The following KDM5A variants were observed in gnomAD, a reference collection of about 807,000 sequenced individuals.
The protein encoded by KDM5A is lysine demethylase 5A, also known as lysine-specific demethylase 5A.
Under a neutral mutation model 193.5 loss-of-function variants are expected in KDM5A, and 42 were observed. The observed-to-expected ratio is 0.22, with a 90% CI of 0.17 to 0.28. KDM5A has a LOEUF of 0.28. Ranked by LOEUF, KDM5A falls within the 10% of genes least tolerant of loss-of-function variation. The pLI, the probability that KDM5A is intolerant of heterozygous loss-of-function variation, is 1.00. For missense variants in KDM5A, 1,692 were observed against 2,055.1 expected, an observed-to-expected ratio of 0.82 and a Z score of 3.42; for synonymous variants, 796 against 718.1, an observed-to-expected ratio of 1.11 and a Z score of -1.73.
rs769805545 is a variant in KDM5A, at chr12:323,124, G to C, written c.2233C>G (p.Arg745Gly). Residue 745 changes from arginine (R) to glycine (G), a missense_variant, in exon 16 of 28, where the codon CGT becomes GGT. By Grantham distance (125) the Arg-to-Gly change is moderately radical (BLOSUM62 -2). This residue lies in a region of KDM5A where 965 missense variants were observed against 1,061.0 expected (regional missense o/e 0.91). Transcript: ENST00000399788. The stretch of plus-strand genomic sequence containing the variant: ...TTAGCAGACAATGCTTCTGTAACAC[G>C]ACTGACCCAAGTGTCATAGGACTGT... ...RAQSYDTWVS[R>G]VTEALSANFN... is the part of the protein sequence containing the mutation. 1.9e-6 allele frequency: 3 copies of C among 1,551,642 alleles called. No homozygotes were observed. The highest frequency in any genetic ancestry group is 2.2e-5 in the South Asian group (2 of 90,414).
chr12:380,882 G>C (rs544108864), intron 3 of KDM5A, among the ~76,000 whole-genome samples: 3 of 151,950 alleles, frequency 2.0e-5, no homozygotes, highest in South Asian at 2.1e-4. Context: ...TGCAACCTCT[G>C]CCTCCCGGTT....
At chr12:313,271 T>C in intron 19 of KDM5A, 77 bp from the exon 20 acceptor site, 1 of 1,518,062 alleles carries the variant, frequency 6.6e-7, no homozygotes, top group South Asian at 1.1e-5. Flanking sequence ...TTTAGAGAAC[T>C]TTCATTTACA....
At chr12:306,428 A>AT (rs1943507701) in intron 24 of KDM5A, among the ~76,000 whole-genome samples, 2 of 152,142 alleles carry the variant, frequency 1.3e-5, no homozygotes, top group Admixed American at 6.5e-5. Flanking sequence ...ACAAATACAG[A>AT]TTTTTTAATT....
intron 10 of KDM5A, 109 bp downstream of exon 10, chr12:350,512 C>T: frequency 9.4e-7 from 1 of 1,065,270 alleles, no homozygotes; most frequent in Non-Finnish European, 1.4e-6. Context: ...ATTTATACTG[C>T]CAAATCCTAC....
chr12:315,627 T>C (rs1020404598), intron 19 of KDM5A, among the ~76,000 whole-genome samples: 27 of 150,016 alleles, frequency 1.8e-4, no homozygotes, highest in Admixed American at 1.7e-3. Context: ...TAAATCCACA[T>C]GCAGACTTAA....
intron 3 of KDM5A, among the ~76,000 whole-genome samples, chr12:376,105 G>A: frequency 6.6e-6 from 1 of 152,216 alleles, no homozygotes; most frequent in East Asian, 1.9e-4. Context: ...TCTCTTCAAG[G>A]CTGTCAGACA....
rs905981394 is a variant in KDM5A at position 284,271 on chromosome 12, T to C, written c.*1185A>G. The C allele has an allele frequency of 8.8e-6, 2 of 227,974 alleles. No individual in the cohort carries two copies. The highest frequency in any genetic ancestry group is 1.7e-5 in the Non-Finnish European group (2 of 115,132). 14.1% of individuals were successfully genotyped at this position (227,974 alleles called of 1,614,324 possible). ...ATATTAAAAAAGGAAAAATAATCTATGTATAGAACAGTCAGTAGTCAGAGA... is the reference window on the plus strand; with the variant it reads ...ATATTAAAAAAGGAAAAATAATCTACGTATAGAACAGTCAGTAGTCAGAGA... On this transcript the variant is annotated 3_prime_UTR_variant, in exon 28 of 28. Coordinates refer to ENST00000399788, the MANE Select transcript of KDM5A (RefSeq NM_001042603.3).
chr12:293,639 C>T (rs1476840223), intron 26 of KDM5A, among the ~76,000 whole-genome samples: 2 of 151,692 alleles, frequency 1.3e-5, no homozygotes, highest in Admixed American at 1.3e-4. Context: ...ATTAGCTGGG[C>T]GTGGTGGTGC....
chr12:380,981 A>G (rs1944565893), intron 3 of KDM5A, among the ~76,000 whole-genome samples: 1 of 130,334 alleles, frequency 7.7e-6, no homozygotes, highest in Non-Finnish European at 1.6e-5. Context: ...TAATTAGTAG[A>G]GATAGGTTTT....
chr12:314,950 T>C (rs554831543), intron 19 of KDM5A, among the ~76,000 whole-genome samples: 4 of 152,290 alleles, frequency 2.6e-5, no homozygotes, highest in South Asian at 2.1e-4. Flanking sequence ...GTTAGGGAAT[T>C]TGGACTTCAT....
At chr12:368,241 G>A (rs1177590066) in intron 3 of KDM5A, among the ~76,000 whole-genome samples, 1 of 152,144 alleles carries the variant, frequency 6.6e-6, no homozygotes, top group Non-Finnish European at 1.5e-5. Context: ...CATAATAGAA[G>A]TTGCCAGGAG....
In KDM5A at chr12:349,856, G is replaced by A. The variant is rs138374786; in HGVS notation, c.1308+765C>T. Among the ~76,000 whole-genome samples, 428 of 151,734 alleles carry A rather than the reference G, an allele frequency of 2.8e-3. 13 individuals are homozygous for A. The East Asian group carries it at 0.065, about 23-fold the overall frequency. Reference sequence around the variant, plus strand: ...TTTTAAAATGCAGAGCTGGCCGGGCGCAGTGACTCACGCCTGTAATCCCAG... The same window carrying A: ...TTTTAAAATGCAGAGCTGGCCGGGCACAGTGACTCACGCCTGTAATCCCAG... On this transcript the variant is annotated intron_variant, in intron 10 of 27. Coordinates refer to ENST00000399788, the MANE Select transcript of KDM5A (RefSeq NM_001042603.3).
intron 24 of KDM5A, among the ~76,000 whole-genome samples, chr12:299,123 T>C (rs758101227): frequency 2.0e-5 from 3 of 152,288 alleles, no homozygotes; most frequent in South Asian, 2.1e-4. Context: ...AAAAACACTC[T>C]TCAGGATATT....
chr12:319,679 G>A (rs1276329195), intron 18 of KDM5A, among the ~76,000 whole-genome samples: 2 of 152,062 alleles, frequency 1.3e-5, no homozygotes, highest in Admixed American at 1.3e-4. Context: ...GCTTGAGACT[G>A]GGAAGCAGAA....
At chr12:321,764 T>C (rs974982917) in intron 17 of KDM5A, among the ~76,000 whole-genome samples, 2 of 152,200 alleles carry the variant, frequency 1.3e-5, no homozygotes, top group Admixed American at 1.3e-4. Context: ...GTCCTCTGCA[T>C]CCATCAAGGT....
chr12:376,518 T>C (rs1385989444), intron 3 of KDM5A, among the ~76,000 whole-genome samples: 3 of 152,184 alleles, frequency 2.0e-5, no homozygotes, highest in African/African-American at 7.2e-5. Flanking sequence ...CCCTGACCCC[T>C]TGCACTTCCC....
chr12:347,738 C>T (rs1217494166), intron 10 of KDM5A, among the ~76,000 whole-genome samples: 3 of 151,978 alleles, frequency 2.0e-5, no homozygotes, highest in African/African-American at 7.3e-5. Flanking sequence ...GGATCCCTTC[C>T]TTACACCTTA....
At chr12:373,168 T>C (rs947219432) in intron 3 of KDM5A, among the ~76,000 whole-genome samples, 2 of 152,238 alleles carry the variant, frequency 1.3e-5, no homozygotes, top group African/African-American at 4.8e-5. Context: ...GAAAGAATGG[T>C]ACCAGCTCCT....
intron 24 of KDM5A, among the ~76,000 whole-genome samples, chr12:300,836 G>T (rs368639261): frequency 2.0e-5 from 3 of 152,142 alleles, no homozygotes; most frequent in Non-Finnish European, 4.4e-5. Flanking sequence ...AATAAAAAAT[G>T]ATAAAGGGGG....
Sources: gnomAD v4.1 joint callset for allele counts (sites outside exome capture counted in the v4.1 genomes callset) on GRCh38, gnomAD v4.1.1 for gene constraint, gnomAD v4.1.1 regional missense constraint, MANE v1.5 for transcripts, NCBI Gene and HGNC (gene_info 2026-07-23, HGNC 2026-07-21) for gene names.